Variants in MAST2 observed in about 807,000 individuals in gnomAD.
MAST2 encodes microtubule-associated serine/threonine-protein kinase 2.
Under a neutral mutation model 147.4 loss-of-function variants are expected in MAST2, and 70 were observed. That is an observed-to-expected ratio of 0.47 (90% CI 0.39 to 0.58). MAST2 has a LOEUF of 0.58. Ranked by LOEUF, MAST2 falls within the 20% of genes least tolerant of loss-of-function variation. MAST2 has a pLI of 0.00. For missense variants in MAST2, 2,080 were observed against 2,302.3 expected (o/e 0.90, Z 1.98); for synonymous variants, 869 against 896.8 (o/e 0.97, Z 0.55).
At chr1:45,989,022 G>C (rs1241666348) in intron 5 of MAST2, among the ~76,000 whole-genome samples, 1 of 152,106 alleles carries the variant, frequency 6.6e-6, no homozygotes, top group East Asian at 1.9e-4. Flanking sequence ...GTTTCTACTG[G>C]GGTGTCCTTT....
intron 1 of MAST2, among the ~76,000 whole-genome samples, chr1:45,807,631 T>C (rs762152735): frequency 6.6e-6 from 1 of 151,830 alleles, no homozygotes; most frequent in Non-Finnish European, 1.5e-5. Context: ...AACCTTCGCC[T>C]CCCAGGCTCA....
At chr1:46,029,254 G>A (rs747131848) in intron 18 of MAST2, 14 of 557,964 alleles carry the variant, frequency 2.5e-5, no homozygotes, top group Non-Finnish European at 3.5e-5. Context: ...AGCAGGGTGA[G>A]CTAGAGCTTT....
chr1:45,813,562 G>T (rs1044343604), intron 1 of MAST2, among the ~76,000 whole-genome samples: 4 of 149,222 alleles, frequency 2.7e-5, no homozygotes, highest in African/African-American at 7.4e-5. Context: ...GCAGTGGCAC[G>T]ATCTTGGCTC....
chr1:45,998,539 GA>G (rs1169480541), intron 6 of MAST2, among the ~76,000 whole-genome samples: 1 of 152,036 alleles, frequency 6.6e-6, no homozygotes, highest in African/African-American at 2.4e-5. Context: ...TTTCTTGTCA[GA>G]ACTTTTCTAA....
At chr1:45,846,360 T>G (rs1346175597) in intron 3 of MAST2, among the ~76,000 whole-genome samples, 3 of 152,180 alleles carry the variant, frequency 2.0e-5, no homozygotes, top group Non-Finnish European at 2.9e-5. Context: ...TCACAAAATG[T>G]GAAATTAGAT....
intron 5 of MAST2, among the ~76,000 whole-genome samples, chr1:45,996,192 A>G (rs1028853915): frequency 4.0e-5 from 6 of 150,288 alleles, no homozygotes; most frequent in African/African-American, 1.5e-4. Context: ...CTGTAACCAG[A>G]CCGATCCTTG....
chr1:45,806,927 C>T (rs187680932), intron 1 of MAST2, among the ~76,000 whole-genome samples: 1 of 152,078 alleles, frequency 6.6e-6, no homozygotes, highest in Admixed American at 6.6e-5. Flanking sequence ...AGGCTAGCCT[C>T]GAACTCCTGG....
chr1:45,967,456 C>T (rs1000124373), intron 5 of MAST2, among the ~76,000 whole-genome samples: 10 of 152,092 alleles, frequency 6.6e-5, no homozygotes, highest in Admixed American at 2.0e-4. Flanking sequence ...AGTTAATTAA[C>T]ACATAATTTG....
chr1:45,924,844 C>T (rs1178817491), intron 4 of MAST2, among the ~76,000 whole-genome samples: 1 of 152,050 alleles, frequency 6.6e-6, no homozygotes, highest in Non-Finnish European at 1.5e-5. Flanking sequence ...CACAGACAAG[C>T]ACAGAGGGAA....
At chr1:46,010,458 C>T (rs1216508037) in intron 9 of MAST2, among the ~76,000 whole-genome samples, 3 of 152,092 alleles carry the variant, frequency 2.0e-5, no homozygotes, top group Admixed American at 2.0e-4. Flanking sequence ...CCTGTGTGTC[C>T]GTACAGCAAA....
At position 45,947,322 on chromosome 1, in the gene MAST2, A is replaced by C. The variant is rs867980510; in HGVS notation, c.501-12064A>C. The stretch of plus-strand genomic sequence containing the variant: ...GATGAGCTTTAAAAAAAAAAAAAAA[A>C]AAAAAAAAACCCAAACACCTCATAA... On this transcript the variant is annotated intron_variant, in intron 4 of 28. Coordinates refer to ENST00000361297, the MANE Select transcript of MAST2 (RefSeq NM_015112.3). 1.4e-4 allele frequency among the ~76,000 whole-genome samples: 21 copies of C among 151,952 alleles called. No homozygotes were observed. The South Asian group carries it at 2.3e-3, about 17-fold the overall frequency.
intron 5 of MAST2, among the ~76,000 whole-genome samples, chr1:45,989,799 A>G (rs1476637116): frequency 1.3e-5 from 2 of 152,132 alleles, no homozygotes; most frequent in Admixed American, 6.5e-5. Flanking sequence ...AGTTATACCT[A>G]CCTTTTCCAA....
intron 5 of MAST2, among the ~76,000 whole-genome samples, chr1:45,978,171 T>C (rs1644251512): frequency 1.3e-5 from 2 of 152,088 alleles, no homozygotes; most frequent in Non-Finnish European, 2.9e-5. Context: ...GAGATCCAAG[T>C]GGTCAATAAA....
At chr1:45,891,138 G>A (rs1001136874) in intron 4 of MAST2, among the ~76,000 whole-genome samples, 2 of 152,142 alleles carry the variant, frequency 1.3e-5, no homozygotes, top group African/African-American at 2.4e-5. Context: ...TTTCCATGGA[G>A]AGAAGGGAAG....
intron 3 of MAST2, among the ~76,000 whole-genome samples, chr1:45,838,229 T>C (rs1645164795): frequency 6.8e-6 from 1 of 146,400 alleles, no homozygotes; most frequent in Non-Finnish European, 1.5e-5. Context: ...TTTTTTTTTT[T>C]TTTTTTTTGA....
intron 4 of MAST2, among the ~76,000 whole-genome samples, chr1:45,941,554 G>T (rs1311025865): frequency 2.0e-5 from 3 of 152,186 alleles, no homozygotes; most frequent in African/African-American, 7.2e-5. Context: ...TACCGTGCCT[G>T]GCCGTTTTAA....
chr1:45,823,459 C>T (rs1036731017), intron 1 of MAST2, among the ~76,000 whole-genome samples: 21 of 151,846 alleles, frequency 1.4e-4, no homozygotes, highest in Non-Finnish European at 1.9e-4. Flanking sequence ...CTCAGCCTCC[C>T]GAGTAAGCCG....
chr1:45,953,662 A>G (rs547040382), intron 4 of MAST2, among the ~76,000 whole-genome samples: 1 of 152,352 alleles, frequency 6.6e-6, no homozygotes, highest in East Asian at 1.9e-4. Flanking sequence ...GGGAACAGTT[A>G]ACGCTGGTCC....
At position 46,023,192 on chromosome 1, in the gene MAST2, G is replaced by A; in HGVS notation, c.1486-41G>A. ...CAGCTTCTGCAAGGATATGGGCTCT[G>A]AGAAGCATGCCTGTCTCCTGCCTTT... On this transcript the variant is annotated intron_variant, in intron 13 of 28. Transcript: ENST00000361297. The surrounding 1 kb of genome is among the most constrained non-coding windows in gnomAD (Gnocchi z 4.9). The A allele has an allele frequency of 6.4e-7, 1 of 1,560,814 alleles. No individual in the cohort carries two copies. Among genetic ancestry groups the A allele is most frequent in the Non-Finnish European group, 8.8e-7 (1 of 1,131,540 alleles).
Sources: allele counts gnomAD v4.1 joint callset (sites outside exome capture counted in the v4.1 genomes callset), GRCh38; gene constraint gnomAD v4.1.1; non-coding constraint Gnocchi (gnomAD v3.1); transcripts MANE v1.5; gene names NCBI Gene and HGNC (gene_info 2026-07-23, HGNC 2026-07-21).